WDR49: variants seen among roughly 807,000 people sequenced by gnomAD.
The protein encoded by WDR49 is cilia- and flagella-associated protein 337.
Under a neutral mutation model 119.5 loss-of-function variants are expected in WDR49, and 107 were observed. The observed-to-expected ratio is 0.90, with a 90% CI of 0.77 to 1.05. The LOEUF is 1.05. Among genes scored for constraint, WDR49 ranks in the 50% least tolerant of loss-of-function variants. The pLI, the probability that WDR49 is intolerant of heterozygous loss-of-function variation, is 0.00. For synonymous variants in WDR49, 425 were observed against 418.8 expected, an observed-to-expected ratio of 1.01 and a Z score of -0.18; for missense variants, 1,240 against 1,220.5, an observed-to-expected ratio of 1.02 and a Z score of -0.24.
chr3:167,646,078 C>T (rs954495453), intron 2 of WDR49, among the ~76,000 whole-genome samples: 2 of 152,068 alleles, frequency 1.3e-5, no homozygotes, highest in Non-Finnish European at 2.9e-5. Context: ...GGCCCTAAAA[C>T]AGGAGTAAGT....
intron 15 of WDR49, among the ~76,000 whole-genome samples, chr3:167,524,397 C>T (rs1047987947): frequency 6.6e-6 from 1 of 152,044 alleles, no homozygotes; most frequent in African/African-American, 2.4e-5. Flanking sequence ...TGTGCAGAAG[C>T]TTTTTAGCTT....
At chr3:167,617,131 C>A (rs1456649914) in intron 5 of WDR49, among the ~76,000 whole-genome samples, 1 of 152,002 alleles carries the variant, frequency 6.6e-6, no homozygotes, top group Non-Finnish European at 1.5e-5. Context: ...AATGAAGAGT[C>A]CATCTGAATT....
At chr3:167,507,921 A>G (rs935666481) in intron 16 of WDR49, among the ~76,000 whole-genome samples, 4 of 152,218 alleles carry the variant, frequency 2.6e-5, no homozygotes. Context: ...TCTCAAGAGG[A>G]GAAGTGATGG....
At chr3:167,582,648 C>T (rs1364008539) in intron 7 of WDR49, among the ~76,000 whole-genome samples, 3 of 152,094 alleles carry the variant, frequency 2.0e-5, no homozygotes, top group African/African-American at 7.2e-5. Flanking sequence ...GCAGAAATCT[C>T]ATTGATTTCC....
intron 2 of WDR49, among the ~76,000 whole-genome samples, chr3:167,645,448 A>G (rs2108344345): frequency 6.6e-6 from 1 of 152,134 alleles, no homozygotes; most frequent in Non-Finnish European, 1.5e-5. Context: ...GACCTCAAGT[A>G]GTTGTGCCCG....
At chr3:167,510,745 G>A (rs1267063611) in intron 16 of WDR49, among the ~76,000 whole-genome samples, 3 of 152,036 alleles carry the variant, frequency 2.0e-5, no homozygotes, top group Admixed American at 6.6e-5. Context: ...GTGTTAAAAT[G>A]AGAAAATAGC....
intron 2 of WDR49, among the ~76,000 whole-genome samples, chr3:167,646,535 A>G (rs899146874): frequency 1.3e-5 from 2 of 152,222 alleles, no homozygotes; most frequent in Non-Finnish European, 1.5e-5. Flanking sequence ...ACTTTCTGCA[A>G]TGATGAAAAT....
intron 16 of WDR49, among the ~76,000 whole-genome samples, chr3:167,512,918 A>G (rs1015824651): frequency 1.3e-5 from 2 of 152,204 alleles, no homozygotes; most frequent in African/African-American, 4.8e-5. Context: ...AAGAAGAATG[A>G]AAAAGAACAA....
upstream of WDR49, among the ~76,000 whole-genome samples, chr3:167,654,637 T>C (rs1044232098): frequency 5.9e-5 from 9 of 152,240 alleles, no homozygotes. Context: ...GGCTCACGCC[T>C]GTAATCCCTG....
chr3:167,505,313 A>AT lies in WDR49; in HGVS notation c.2877dup (p.Ser960IlefsTer6). 3.3e-6 allele frequency: 5 copies of AT among 1,510,496 alleles called. No homozygotes were observed. The highest frequency in any genetic ancestry group is 1.4e-5 in the South Asian group (1 of 72,730). The allele number at this position is 1,510,496 out of a possible 1,614,324, so 93.6% of individuals were successfully genotyped here. On this transcript the variant is annotated frameshift_variant, in exon 17 of 19. Coordinates refer to ENST00000682715, the MANE Select transcript of WDR49 (RefSeq NM_001366157.1). LOFTEE classifies it high-confidence loss of function. ...AACAACAGTGACTACTTACTGAATG[A>AT]TTTTTTTATAACTTCACCATAATAA...
rs771137393 is a variant in WDR49 at position 167,531,242 on chromosome 3, G to T, written c.2091C>A (p.Ser697Arg). The change falls in exon 13 of 19, where the codon AGC becomes AGA. Residue 697 changes from serine to arginine, a missense_variant. Coordinates refer to ENST00000682715, the MANE Select transcript of WDR49 (RefSeq NM_001366157.1). The part of the protein sequence containing the change: ...KPQKLLSAGR[S>R]QPSHPMADHS... ...GGTCTGCCATGGGGTGGGAGGGTTG[G>T]CTTCTCCCAGCACTGAGAAGTTTTT... 1 of 1,611,350 alleles carries T rather than the reference G, an allele frequency of 6.2e-7. No homozygotes were observed. The highest frequency in any genetic ancestry group is 8.5e-7 in the Non-Finnish European group (1 of 1,179,550).
chr3:167,593,279 G>C (rs185991478), intron 7 of WDR49, among the ~76,000 whole-genome samples: 73 of 152,000 alleles, frequency 4.8e-4, no homozygotes, highest in African/African-American at 1.7e-3. Flanking sequence ...TTGAAGGTGT[G>C]CTTCATTCAT....
intron 5 of WDR49, among the ~76,000 whole-genome samples, chr3:167,607,303 A>C (rs1342536684): frequency 6.6e-6 from 1 of 152,208 alleles, no homozygotes; most frequent in African/African-American, 2.4e-5. Context: ...GGAGAAGGTC[A>C]GAGAGAAACT....
Position 167,622,719 on chromosome 3 carries a change from T to C in WDR49, c.607-1076A>G, listed in dbSNP as rs556998099. ...TGACAAACACTATAAGCCAACTAGATCTAATGTATGTCTAAAGAACACTCC... is the reference window on the plus strand; with the variant it reads ...TGACAAACACTATAAGCCAACTAGACCTAATGTATGTCTAAAGAACACTCC... On this transcript the variant is annotated intron_variant, in intron 3 of 18. Coordinates refer to ENST00000682715, the MANE Select transcript of WDR49 (RefSeq NM_001366157.1). Among the ~76,000 whole-genome samples the C allele has an allele frequency of 3.9e-5, 6 of 152,204 alleles. No homozygotes were observed. The South Asian group carries it at 1.2e-3, about 32-fold the overall frequency.
In WDR49 at chr3:167,528,103, T is replaced by G. The variant is rs1175581605; in HGVS notation, c.2407-86A>C. Reference sequence around the variant, plus strand: ...TAACACTTTTAAAAAAAGGCCGATTTTCAAACTTGGGAACAATAACCTATG... The same window carrying G: ...TAACACTTTTAAAAAAAGGCCGATTGTCAAACTTGGGAACAATAACCTATG... On this transcript the variant is annotated intron_variant, in intron 14 of 18. Transcript: ENST00000682715. 2.5e-6 allele frequency: 3 copies of G among 1,187,110 alleles called. No homozygotes were observed. The African/African-American group carries it at 4.7e-5, about 18-fold the overall frequency. 73.5% of individuals were successfully genotyped at this position (1,187,110 alleles called of 1,614,324 possible).
chr3:167,560,298 A>T (rs1577240353), intron 8 of WDR49, 70 bp from the exon 9 acceptor site: 10 of 1,442,168 alleles, frequency 6.9e-6, no homozygotes, highest in Non-Finnish European at 9.3e-6. Flanking sequence ...TTCAATAAAC[A>T]TATCCAGCCT....
chr3:167,615,484 T>G (rs1289192082), intron 5 of WDR49, among the ~76,000 whole-genome samples: 1 of 151,708 alleles, frequency 6.6e-6, no homozygotes, highest in East Asian at 1.9e-4. Flanking sequence ...ATTCTACAAC[T>G]ATTAACCATA....
At chr3:167,484,337 C>A (rs1056405994) in intron 18 of WDR49, among the ~76,000 whole-genome samples, 1 of 151,888 alleles carries the variant, frequency 6.6e-6, no homozygotes. Flanking sequence ...AAGAGATATA[C>A]CTAATGTAAA....
At chr3:167,628,779 T>A (rs1451910607) in intron 2 of WDR49, among the ~76,000 whole-genome samples, 1 of 152,126 alleles carries the variant, frequency 6.6e-6, no homozygotes. Context: ...TCAATGTAAA[T>A]GAAACAGCCC....
Sources: allele counts gnomAD v4.1 joint callset (sites outside exome capture counted in the v4.1 genomes callset), GRCh38; gene constraint gnomAD v4.1.1; transcripts MANE v1.5; gene names NCBI Gene and HGNC (gene_info 2026-07-23, HGNC 2026-07-21).